Variants in CCDC30 observed in about 807,000 individuals in gnomAD.
CCDC30 encodes the protein coiled-coil domain containing 30, also known as coiled-coil domain-containing protein 30.
Under a neutral mutation model 100.2 loss-of-function variants are expected in CCDC30, and 70 were observed. That is an observed-to-expected ratio of 0.70 (90% CI 0.58 to 0.85). The LOEUF (loss-of-function observed/expected upper bound fraction) is 0.85, where lower values mean the gene tolerates loss of function less well. CCDC30 is among the 40% of genes least tolerant of loss of function. CCDC30 has a pLI of 0.00. For missense variants in CCDC30, 652 were observed against 771.2 expected, an observed-to-expected ratio of 0.85 and a Z score of 1.83; for synonymous variants, 233 against 269.5, an observed-to-expected ratio of 0.86 and a Z score of 1.33.
rs1409917300 is a variant in CCDC30, at chr1:42,498,788, G to C, written c.358-30G>C. On this transcript the variant is annotated intron_variant, in intron 5 of 16. Coordinates refer to ENST00000668663, the Ensembl canonical transcript of CCDC30. ...AATTTATCCAAACAAAAATTGAGAA[G>C]TCTACAAGGTGTTTACTTTTGTATT... is the stretch of plus-strand genomic sequence containing the variant. 4 of 1,086,826 alleles carry C rather than the reference G, an allele frequency of 3.7e-6. No individual in the cohort carries two copies. In the East Asian group the frequency reaches 9.7e-5, roughly 26 times the overall value. 67.3% of individuals were successfully genotyped at this position (1,086,826 alleles called of 1,614,324 possible). A position where few individuals can be genotyped will look rare whatever the true frequency, so the allele number is the denominator to read the frequency against.
At chr1:42,585,297 G>A (rs964013999) in intron 9 of CCDC30, among the ~76,000 whole-genome samples, 1 of 152,132 alleles carries the variant, frequency 6.6e-6, no homozygotes, top group Non-Finnish European at 1.5e-5. Context: ...ATGAGTCTTT[G>A]CTGTGTTGCC....
At chr1:42,463,379 G>A (rs1446738644) in exon 1 of CCDC30, 1 of 152,256 alleles carries the variant, frequency 6.6e-6, no homozygotes, top group Non-Finnish European at 1.5e-5. Context: ...CCCTCCGCAG[G>A]AAAATTTCCG....
chr1:42,457,365 T>C, the CCDC30 span: 1 of 1,602,960 alleles, frequency 6.2e-7, no homozygotes, highest in Non-Finnish European at 8.5e-7. Context: ...TGGGCGCTTC[T>C]CTTCCAGAGA....
intron 11 of CCDC30, among the ~76,000 whole-genome samples, chr1:42,631,024 T>C (rs1208900582): frequency 1.3e-5 from 2 of 152,200 alleles, no homozygotes; most frequent in South Asian, 2.1e-4. Flanking sequence ...TTGGTACTTA[T>C]AGATGTTCAT....
At chr1:42,481,281 C>T (rs1261795089) in intron 2 of CCDC30, among the ~76,000 whole-genome samples, 1 of 151,734 alleles carries the variant, frequency 6.6e-6, no homozygotes, top group Non-Finnish European at 1.5e-5. Context: ...TTTTAAAAAT[C>T]ACCATGGGAC....
intron 7 of CCDC30, among the ~76,000 whole-genome samples, chr1:42,575,390 C>A (rs1645811539): frequency 6.6e-6 from 1 of 151,782 alleles, no homozygotes; most frequent in South Asian, 2.1e-4. Context: ...TGGCTCACAC[C>A]CGTAATCCCA....
At chr1:42,547,832 C>T (rs58716352) in intron 6 of CCDC30, among the ~76,000 whole-genome samples, 20,601 of 151,992 alleles carry the variant, frequency 0.14, 1,516 homozygotes, top group East Asian at 0.17. Context: ...AGGGAGGTAC[C>T]GAAGATGTAA....
At position 42,497,295 on chromosome 1, in the gene CCDC30, A is replaced by G. The variant is rs906379389; in HGVS notation, c.357+82A>G. 7.2e-6 allele frequency: 6 copies of G among 831,242 alleles called. No homozygotes were observed. In the African/African-American group the frequency reaches 8.8e-5, roughly 12 times the overall value. 51.5% of individuals were successfully genotyped at this position (831,242 alleles called of 1,614,324 possible). On this transcript the variant is annotated intron_variant, in intron 5 of 16. Transcript: ENST00000668663. Reference sequence around the variant, plus strand: ...AGCATAAGCAACACAGGTATACAACATGTAAGTTGGTCTTTAGCAGGGACC... The same window carrying G: ...AGCATAAGCAACACAGGTATACAACGTGTAAGTTGGTCTTTAGCAGGGACC...
At chr1:42,577,990 T>C (rs1328560398) in intron 8 of CCDC30, among the ~76,000 whole-genome samples, 3 of 152,134 alleles carry the variant, frequency 2.0e-5, no homozygotes, top group Non-Finnish European at 4.4e-5. Flanking sequence ...TCAGGGTAAT[T>C]ATCATATTCA....
chr1:42,644,214 G>T (rs1319949520), intron 13 of CCDC30, among the ~76,000 whole-genome samples: 1 of 152,120 alleles, frequency 6.6e-6, no homozygotes, highest in Non-Finnish European at 1.5e-5. Flanking sequence ...CTGTCCACAA[G>T]CTGAGGAGCA....
At chr1:42,481,576 CA>C (rs11312516) in intron 2 of CCDC30, among the ~76,000 whole-genome samples, 34,829 of 110,258 alleles carry the variant, frequency 0.32, 4,227 homozygotes, top group East Asian at 0.36. Flanking sequence ...AACCCTGTCT[CA>C]AAAAAAAAAA....
At chr1:42,482,744 G>A in exon 3 of CCDC30, 1 of 1,234,092 alleles carries the variant, frequency 8.1e-7, no homozygotes, top group Non-Finnish European at 1.0e-6. Context: ...AAAGAAGTTA[G>A]GGGTGGCTCA....
At chr1:42,580,637 T>A (rs1418637992) in intron 8 of CCDC30, among the ~76,000 whole-genome samples, 4 of 152,214 alleles carry the variant, frequency 2.6e-5, no homozygotes, top group African/African-American at 9.6e-5. Context: ...TGCTGCTACA[T>A]GAAAAAGGCA....
exon 9 of CCDC30, chr1:42,581,500 A>G: frequency 6.2e-7 from 1 of 1,613,030 alleles, no homozygotes; most frequent in Non-Finnish European, 8.5e-7. Context: ...AATATCAAGA[A>G]GAACAACAGA....
In CCDC30 at chr1:42,589,494, A is replaced by G. The variant is rs759016802; in HGVS notation, c.1164+11A>G. 1.2e-6 allele frequency: 2 copies of G among 1,608,014 alleles called. No individual in the cohort carries two copies. The highest frequency in any genetic ancestry group is 1.7e-6 in the Non-Finnish European group (2 of 1,175,242). The stretch of plus-strand genomic sequence containing the variant: ...AGAAAATATGATGAGGTAAGAAAGT[A>G]AATAGACATGCTTCTCAGTTTTCCT... On this transcript the variant is annotated intron_variant, in intron 10 of 16. Transcript: ENST00000668663.
intron 6 of CCDC30, among the ~76,000 whole-genome samples, chr1:42,550,701 A>G (rs529711196): frequency 2.6e-5 from 4 of 152,268 alleles, no homozygotes; most frequent in East Asian, 1.9e-4. Context: ...GTGACTTATC[A>G]TAGTTGGTAA....
intron 9 of CCDC30, among the ~76,000 whole-genome samples, chr1:42,586,541 G>C (rs938567869): frequency 4.6e-5 from 7 of 152,036 alleles, no homozygotes; most frequent in African/African-American, 1.7e-4. Context: ...CTGGCCTCAG[G>C]TGATCCTCCA....
At chr1:42,648,002 G>A (rs1310373026) in intron 15 of CCDC30, among the ~76,000 whole-genome samples, 1 of 152,080 alleles carries the variant, frequency 6.6e-6, no homozygotes, top group Non-Finnish European at 1.5e-5. Context: ...GTGCAATGGC[G>A]CAATCTTGGC....
intron 10 of CCDC30, among the ~76,000 whole-genome samples, chr1:42,606,239 A>G (rs1456749615): frequency 6.6e-6 from 1 of 152,196 alleles, no homozygotes; most frequent in Admixed American, 6.5e-5. Flanking sequence ...TACTGCTGTA[A>G]TAATTTCATA....
Sources: gnomAD v4.1 joint callset for allele counts (sites outside exome capture counted in the v4.1 genomes callset) on GRCh38, gnomAD v4.1.1 for gene constraint, MANE v1.5 for transcripts, NCBI Gene and HGNC (gene_info 2026-07-23, HGNC 2026-07-21) for gene names.